The following CSGALNACT1 variants were observed in gnomAD, a reference collection of about 807,000 sequenced individuals.
The protein encoded by CSGALNACT1 is chondroitin sulfate N-acetylgalactosaminyltransferase 1, also known as beta4GalNAcT-1.
In CSGALNACT1, 52 loss-of-function variants were observed where a neutral mutation model predicts 51.0. That is an observed-to-expected ratio of 1.02 (90% CI 0.82 to 1.29). The LOEUF (loss-of-function observed/expected upper bound fraction) is 1.29, where lower values mean the gene tolerates loss of function less well. Among genes scored for constraint, CSGALNACT1 ranks in the 50% most tolerant of loss-of-function variants. The pLI, the probability that CSGALNACT1 is intolerant of heterozygous loss-of-function variation, is 0.00. For missense variants in CSGALNACT1, 935 were observed against 679.2 expected, an observed-to-expected ratio of 1.38 and a Z score of -4.19; for synonymous variants, 341 against 254.4, an observed-to-expected ratio of 1.34 and a Z score of -3.24.
At position 19,578,118 on chromosome 8, in the gene CSGALNACT1, G is replaced by A. The variant is rs375403143; in HGVS notation, c.-297+13042C>T. On this transcript the variant is annotated intron_variant, in intron 3 of 9. Transcript: ENST00000454498. ...TCGTGGTCCAGGCGCAGGTGGCACC[G>A]CAGGTCGTCCCTGAGGCATAAGGTA... 3.3e-5 allele frequency among the ~76,000 whole-genome samples: 5 copies of A among 152,320 alleles called. No individual in the cohort carries two copies. In the East Asian group the frequency reaches 7.7e-4, roughly 24 times the overall value.
At chr8:19,451,063 A>G (rs561733333) in intron 5 of CSGALNACT1, among the ~76,000 whole-genome samples, 1 of 152,270 alleles carries the variant, frequency 6.6e-6, no homozygotes, top group South Asian at 2.1e-4. Flanking sequence ...CTCAAGCTTT[A>G]GTGTCAAGCT....
intron 2 of CSGALNACT1, among the ~76,000 whole-genome samples, chr8:19,600,727 C>T (rs73214644): frequency 0.098 from 14,811 of 151,852 alleles, 742 homozygotes; most frequent in Middle Eastern, 0.13. Flanking sequence ...TGAAACTCCA[C>T]ACACCCTCAT....
intron 3 of CSGALNACT1, among the ~76,000 whole-genome samples, chr8:19,553,241 C>T (rs1160750395): frequency 1.3e-5 from 2 of 152,034 alleles, no homozygotes; most frequent in African/African-American, 4.8e-5. Context: ...AGAAAAAGCA[C>T]TAACCCCAAA....
At chr8:19,552,275 G>C (rs1720889734) in intron 3 of CSGALNACT1, among the ~76,000 whole-genome samples, 1 of 152,116 alleles carries the variant, frequency 6.6e-6, no homozygotes, top group African/African-American at 2.4e-5. Flanking sequence ...TAAGAAAGTG[G>C]ACTTAAGATA....
At chr8:19,752,738 C>A (rs984362370) in intron 1 of CSGALNACT1, among the ~76,000 whole-genome samples, 2 of 152,130 alleles carry the variant, frequency 1.3e-5, no homozygotes, top group African/African-American at 4.8e-5. Flanking sequence ...ACTCAAATGT[C>A]CTTTGTGTGT....
At chr8:19,471,563 C>T (rs757860240) in intron 4 of CSGALNACT1, among the ~76,000 whole-genome samples, 28 of 152,102 alleles carry the variant, frequency 1.8e-4, no homozygotes, top group Non-Finnish European at 7.3e-5. Context: ...TCTTCTGAGG[C>T]GGCAAGGACT....
intron 3 of CSGALNACT1, among the ~76,000 whole-genome samples, chr8:19,531,646 G>C (rs543369338): frequency 4.1e-4 from 63 of 152,326 alleles, no homozygotes; most frequent in Admixed American, 2.9e-3. Flanking sequence ...TTCAAGGCAG[G>C]AGCCCTCAAC....
chr8:19,513,556 C>G (rs1013421178), intron 3 of CSGALNACT1, among the ~76,000 whole-genome samples: 3 of 151,468 alleles, frequency 2.0e-5, no homozygotes, highest in East Asian at 3.9e-4. Flanking sequence ...CTTATACACA[C>G]TTAATTAGTT....
chr8:19,471,118 G>GGA (rs2068049894), intron 4 of CSGALNACT1, among the ~76,000 whole-genome samples: 1 of 151,602 alleles, frequency 6.6e-6, no homozygotes. Context: ...CAAAACAAAA[G>GGA]GAGAGAGAGG....
At chr8:19,499,527 T>C (rs1222185921) in intron 4 of CSGALNACT1, among the ~76,000 whole-genome samples, 1 of 152,152 alleles carries the variant, frequency 6.6e-6, no homozygotes, top group African/African-American at 2.4e-5. Context: ...ATAAGGATAA[T>C]ACAATTGACA....
At chr8:19,507,203 G>A (rs139272091) in intron 3 of CSGALNACT1, among the ~76,000 whole-genome samples, 2 of 152,224 alleles carry the variant, frequency 1.3e-5, no homozygotes, top group Admixed American at 1.3e-4. Context: ...GATGAGGATG[G>A]GAGAAGAAGA....
In CSGALNACT1 at chr8:19,570,780, AT is replaced by A. The variant is rs2042859942; in HGVS notation, c.-297+20379del. On this transcript the variant is annotated intron_variant, in intron 3 of 9. Coordinates refer to ENST00000454498, the Ensembl canonical transcript of CSGALNACT1. Reference sequence around the variant, plus strand: ...CCAAGTGTGGTGGCAGGTGCCTGTAATCCCAGCTACTTGGGAGGCTGAAGCA... The same window carrying A: ...CCAAGTGTGGTGGCAGGTGCCTGTAACCCAGCTACTTGGGAGGCTGAAGCA... Among the ~76,000 whole-genome samples the A allele has an allele frequency of 2.0e-5, 3 of 152,118 alleles. No individual in the cohort carries two copies. In the South Asian group the frequency reaches 6.2e-4, roughly 31 times the overall value.
intron 1 of CSGALNACT1, among the ~76,000 whole-genome samples, chr8:19,705,670 G>A (rs2062119726): frequency 6.6e-6 from 1 of 152,108 alleles, no homozygotes; most frequent in African/African-American, 2.4e-5. Context: ...CGGGGAGGGG[G>A]AGGCTGCAGT....
At chr8:19,676,107 A>AAAAAAAAAAAC (rs2060171555) in intron 1 of CSGALNACT1, among the ~76,000 whole-genome samples, 1 of 151,094 alleles carries the variant, frequency 6.6e-6, no homozygotes, top group South Asian at 2.1e-4. Context: ...AAAACAAAAA[A>AAAAAAAAAAAC]AACTCCCAGA....
intron 5 of CSGALNACT1, among the ~76,000 whole-genome samples, chr8:19,451,565 G>A (rs1040929054): frequency 1.1e-4 from 16 of 152,164 alleles, no homozygotes; most frequent in Admixed American, 9.2e-4. Flanking sequence ...GCACAAAGAC[G>A]TGGCCTTTGC....
intron 3 of CSGALNACT1, among the ~76,000 whole-genome samples, chr8:19,513,432 C>CTATATATA (rs1464867601): frequency 4.0e-4 from 29 of 71,896 alleles, no homozygotes; most frequent in African/African-American, 5.9e-4. Flanking sequence ...CTCTCTCTCT[C>CTATATATA]TCTCTATATA....
At chr8:19,498,254 A>T (rs2075815801) in intron 4 of CSGALNACT1, among the ~76,000 whole-genome samples, 4 of 152,206 alleles carry the variant, frequency 2.6e-5, no homozygotes. Context: ...GCCCCAAAAC[A>T]GCTGGGGACA....
chr8:19,423,400 G>A (rs2058262011), intron 6 of CSGALNACT1, among the ~76,000 whole-genome samples: 1 of 152,230 alleles, frequency 6.6e-6, no homozygotes, highest in African/African-American at 2.4e-5. Context: ...GGTAGAGACA[G>A]TGCTACAAAT....
At chr8:19,504,562 C>G (rs1163589948) in intron 4 of CSGALNACT1, among the ~76,000 whole-genome samples, 1 of 152,146 alleles carries the variant, frequency 6.6e-6, no homozygotes, top group Non-Finnish European at 1.5e-5. Context: ...TAATACTAGG[C>G]TGTCCTACGC....
Sources: allele counts gnomAD v4.1 joint callset (sites outside exome capture counted in the v4.1 genomes callset), GRCh38; gene constraint gnomAD v4.1.1; transcripts MANE v1.5; gene names NCBI Gene and HGNC (gene_info 2026-07-23, HGNC 2026-07-21).